Variants in PXDNL observed in about 807,000 individuals in gnomAD.
The protein encoded by PXDNL is peroxidasin like.
PXDNL carries 145 observed loss-of-function variants against 150.8 expected under a neutral mutation model. That is an observed-to-expected ratio of 0.96 (90% CI 0.84 to 1.10). The LOEUF (loss-of-function observed/expected upper bound fraction) is 1.10. Among genes scored for constraint, PXDNL ranks in the 50% least tolerant of loss-of-function variants. The pLI, the probability that PXDNL is intolerant of heterozygous loss-of-function variation, is 0.00. For synonymous variants in PXDNL, 757 were observed against 725.7 expected, an observed-to-expected ratio of 1.04 and a Z score of -0.69; for missense variants, 2,087 against 1,873.9, an observed-to-expected ratio of 1.11 and a Z score of -2.10.
chr8:51,708,029 A>C (rs185977382), intron 1 of PXDNL, among the ~76,000 whole-genome samples: 1 of 152,292 alleles, frequency 6.6e-6, no homozygotes, highest in East Asian at 1.9e-4. Flanking sequence ...TAAGAACCAC[A>C]TCTAAATTAA....
intron 18 of PXDNL, among the ~76,000 whole-genome samples, chr8:51,373,380 G>A (rs1479843261): frequency 6.6e-6 from 1 of 152,152 alleles, no homozygotes; most frequent in Non-Finnish European, 1.5e-5. Context: ...TCCAAGCTAT[G>A]GGACTTTGTT....
chr8:51,495,494 T>G (rs1172492561), intron 5 of PXDNL, among the ~76,000 whole-genome samples: 1 of 152,074 alleles, frequency 6.6e-6, no homozygotes, highest in Non-Finnish European at 1.5e-5. Flanking sequence ...ATCCAGGAGC[T>G]GGTTTTTGAA....
At chr8:51,697,164 C>A (rs922389197) in intron 1 of PXDNL, among the ~76,000 whole-genome samples, 1 of 151,850 alleles carries the variant, frequency 6.6e-6, no homozygotes, top group African/African-American at 2.4e-5. Context: ...CTTAGCCGAG[C>A]GTGGTGGCGG....
rs536755692 is a variant in PXDNL, at chr8:51,408,274, A to T, written c.3350T>A (p.Leu1117His). The change falls in exon 17 of 23, where the codon CTT becomes CAT. Residue 1117 changes from leucine to histidine, a missense_variant. Physicochemically the swap from Leu to His is moderately conservative, Grantham distance 99. Transcript: ENST00000356297. ...CCTCTGGGTCAGCTCAGGACTGAGA[A>T]GGTAGGAGGGTGCCCGCCATTTAGC... Reference protein sequence around the residue: ...VAAKWRAPSYLLSPELTQRLF... With the variant: ...VAAKWRAPSYHLSPELTQRLF... The T allele has an allele frequency of 1.9e-6, 3 of 1,613,936 alleles. No individual in the cohort carries two copies. The highest frequency in any genetic ancestry group is 2.5e-6 in the Non-Finnish European group (3 of 1,179,864).
intron 1 of PXDNL, among the ~76,000 whole-genome samples, chr8:51,683,935 C>A (rs1815815207): frequency 6.6e-6 from 1 of 152,110 alleles, no homozygotes; most frequent in Non-Finnish European, 1.5e-5. Flanking sequence ...GGATTTTCTG[C>A]CCCTTTCCCT....
intron 1 of PXDNL, among the ~76,000 whole-genome samples, chr8:51,762,200 T>C (rs1468842615): frequency 2.6e-5 from 4 of 152,210 alleles, no homozygotes; most frequent in Non-Finnish European, 4.4e-5. Context: ...TCTCACCAGA[T>C]ACATATTGTG....
chr8:51,474,761 C>T (rs1810432714), intron 7 of PXDNL, among the ~76,000 whole-genome samples: 1 of 152,194 alleles, frequency 6.6e-6, no homozygotes, highest in Non-Finnish European at 1.5e-5. Context: ...TCCTCAAAGA[C>T]TCTCTCAGCT....
At chr8:51,800,141 C>G (rs2129262686) in intron 1 of PXDNL, among the ~76,000 whole-genome samples, 1 of 152,214 alleles carries the variant, frequency 6.6e-6, no homozygotes, top group East Asian at 1.9e-4. Context: ...CCACAGCACT[C>G]TTAGAATGGA....
intron 1 of PXDNL, among the ~76,000 whole-genome samples, chr8:51,668,207 A>C: frequency 3.2e-5 from 1 of 31,424 alleles, no homozygotes; most frequent in Non-Finnish European, 7.5e-5. Flanking sequence ...ACAGAGTCTC[A>C]CTCTGTTGCC....
chr8:51,579,097 C>T (rs1026157715), intron 3 of PXDNL, among the ~76,000 whole-genome samples: 1 of 151,966 alleles, frequency 6.6e-6, no homozygotes, highest in East Asian at 1.9e-4. Flanking sequence ...TAGAAAAGAA[C>T]TTTGATAAAT....
chr8:51,675,302 A>G (rs1033970375), intron 1 of PXDNL, among the ~76,000 whole-genome samples: 6 of 152,166 alleles, frequency 3.9e-5, no homozygotes, highest in African/African-American at 7.2e-5. Context: ...CCCTTATAAA[A>G]GAGGCTTCCT....
intron 2 of PXDNL, among the ~76,000 whole-genome samples, chr8:51,627,490 T>C (rs977355886): frequency 6.6e-6 from 1 of 152,170 alleles, no homozygotes; most frequent in South Asian, 2.1e-4. Flanking sequence ...TATTTCATTA[T>C]AGTGGCAAGA....
intron 17 of PXDNL, among the ~76,000 whole-genome samples, chr8:51,403,131 AGT>A (rs1361760301): frequency 6.6e-6 from 1 of 151,906 alleles, no homozygotes; most frequent in African/African-American, 2.4e-5. Context: ...AAAAAGAAAC[AGT>A]GTGATTCTTG....
rs1364334171 is a variant in PXDNL, at chr8:51,581,511, A to AAATAAATAAATAAATAAATTAATTAATT, written c.308+11115_308+11116insAATTAATTAATTTATTTATTTATTTATT. Among the ~76,000 whole-genome samples the AAATAAATAAATAAATAAATTAATTAATT allele has an allele frequency of 3.1e-4, 47 of 152,080 alleles. 1 individual carries two copies. Among genetic ancestry groups the AAATAAATAAATAAATAAATTAATTAATT allele is most frequent in the African/African-American group, 1.1e-3 (47 of 41,520 alleles). On this transcript the variant is annotated intron_variant, in intron 3 of 22. Transcript: ENST00000356297. ...CCTGTCTCTAAATAAATAAATAAAT[A>AAATAAATAAATAAATAAATTAATTAATT]AATTTTAAAAATTAAAAATTAAATT...
At chr8:51,676,298 A>G (rs1232998561) in intron 1 of PXDNL, among the ~76,000 whole-genome samples, 7 of 149,436 alleles carry the variant, frequency 4.7e-5, no homozygotes, top group African/African-American at 1.7e-4. Context: ...TTTTTTTGAG[A>G]TGGAATCTTG....
intron 20 of PXDNL, among the ~76,000 whole-genome samples, chr8:51,345,497 G>A (rs73579622): frequency 5.9e-5 from 9 of 151,930 alleles, no homozygotes; most frequent in African/African-American, 9.7e-5. Flanking sequence ...TACCTTTCTC[G>A]CAAACAATAT....
intron 1 of PXDNL, among the ~76,000 whole-genome samples, chr8:51,683,456 T>C (rs949361098): frequency 1.3e-5 from 2 of 151,900 alleles, no homozygotes; most frequent in South Asian, 2.1e-4. Flanking sequence ...AATCTCCTTA[T>C]ATATTTTGGA....
At chr8:51,330,756 G>T (rs1805654157) in intron 21 of PXDNL, among the ~76,000 whole-genome samples, 1 of 152,156 alleles carries the variant, frequency 6.6e-6, no homozygotes, top group Non-Finnish European at 1.5e-5. Flanking sequence ...TTTCTCACAT[G>T]CAAAATAATC....
chr8:51,557,425 A>G (rs537868613), intron 3 of PXDNL, among the ~76,000 whole-genome samples: 1 of 152,288 alleles, frequency 6.6e-6, no homozygotes, highest in Admixed American at 6.5e-5. Context: ...ATACGATGAT[A>G]CAACTAATCT....
Sources: allele counts gnomAD v4.1 joint callset (sites outside exome capture counted in the v4.1 genomes callset), GRCh38; gene constraint gnomAD v4.1.1; transcripts MANE v1.5; gene names NCBI Gene and HGNC (gene_info 2026-07-23, HGNC 2026-07-21).